Variants in LCP2 observed in about 807,000 individuals in gnomAD.
LCP2 encodes the protein lymphocyte cytosolic protein 2.
A neutral mutation model predicts 74.5 loss-of-function variants in LCP2; 29 were observed. That is an observed-to-expected ratio of 0.39 (90% CI 0.29 to 0.53). The LOEUF (loss-of-function observed/expected upper bound fraction) is 0.53. Ranked by LOEUF, LCP2 falls within the 20% of genes least tolerant of loss-of-function variation. The probability of loss-of-function intolerance (pLI) is 0.72; values close to 1 mark genes in which losing one functional copy is unlikely to be tolerated. For synonymous variants in LCP2, 228 were observed against 229.5 expected (o/e 0.99, Z 0.06); for missense variants, 604 against 634.6 (o/e 0.95, Z 0.52).
chr5:170,257,606 CAG>C (rs1012683133), intron 16 of LCP2, among the ~76,000 whole-genome samples: 8 of 152,164 alleles, frequency 5.3e-5, no homozygotes, highest in African/African-American at 7.2e-5. Context: ...ACTGAGAAAA[CAG>C]GGGGACAGAG....
Position 170,250,747 on chromosome 5 carries a change from C to T in LCP2, c.1462G>A (p.Gly488Arg), listed in dbSNP as rs758091686. 2 of 1,613,388 alleles carry T rather than the reference C, an allele frequency of 1.2e-6. No individual in the cohort carries two copies. The highest frequency in any genetic ancestry group is 1.7e-6 in the Non-Finnish European group (2 of 1,179,362). The change falls in exon 20 of 21, where the codon GGA becomes AGA. Residue 488 changes from glycine (G) to arginine (R), a missense_variant. By Grantham distance (125) the Gly-to-Arg change is moderately radical. Coordinates refer to ENST00000046794, the MANE Select transcript of LCP2 (RefSeq NM_005565.5). ...KESQVYLLGT[G>R]LRGKEDFLSV... is the part of the protein sequence containing the mutation. ...ATCCTTACCTCTTTCCCTCGGAGTC[C>T]AGTTCCCAACAAGTAAACTTGACTT...
chr5:170,262,515 GA>G, intron 13 of LCP2, 119 bp downstream of exon 13: 1 of 686,580 alleles, frequency 1.5e-6, no homozygotes, highest in Non-Finnish European at 2.5e-6. Flanking sequence ...GCCACAGCAA[GA>G]AAAGGCCCAC....
intron 10 of LCP2, among the ~76,000 whole-genome samples, chr5:170,264,793 T>A (rs1238904581): frequency 6.6e-6 from 1 of 151,162 alleles, no homozygotes; most frequent in Non-Finnish European, 1.5e-5. Flanking sequence ...AGTGAGACCC[T>A]GACTCAAAAA....
intron 10 of LCP2, among the ~76,000 whole-genome samples, chr5:170,264,437 G>C (rs1311498143): frequency 2.0e-5 from 3 of 152,234 alleles, no homozygotes; most frequent in Non-Finnish European, 4.4e-5. Context: ...TCTCCCTGGA[G>C]TTGTATTTTC....
chr5:170,275,624 C>A (rs1761993324), intron 4 of LCP2, 171 bp downstream of exon 4: 1 of 664,408 alleles, frequency 1.5e-6, no homozygotes, highest in African/African-American at 1.8e-5. Flanking sequence ...GGACAGGATG[C>A]AGAGCAGGGG....
rs1234843001 is a variant in LCP2, at chr5:170,256,093, G to T, written c.1150+433C>A. ...TTCCGTAGGGAAACCGGAGCTGGAGGAATAGTTCTGCACAGGAAGATTGGG... is the reference window on the plus strand; with the variant it reads ...TTCCGTAGGGAAACCGGAGCTGGAGTAATAGTTCTGCACAGGAAGATTGGG... On this transcript the variant is annotated intron_variant, in intron 17 of 20. Coordinates refer to ENST00000046794, the MANE Select transcript of LCP2 (RefSeq NM_005565.5). This position sits in a 1 kb window ranked among gnomAD's most constrained non-coding sequence, Gnocchi z 4.5. Among the ~76,000 whole-genome samples, 1 of 152,216 alleles carries T rather than the reference G, an allele frequency of 6.6e-6. No homozygotes were observed. The highest frequency in any genetic ancestry group is 1.5e-5 in the Non-Finnish European group (1 of 68,042).
rs1336784508 is a variant in LCP2, at chr5:170,256,118, G to A, written c.1150+408C>T. On this transcript the variant is annotated intron_variant, in intron 17 of 20. Coordinates refer to ENST00000046794, the MANE Select transcript of LCP2 (RefSeq NM_005565.5). The surrounding 1 kb of genome is among the most constrained non-coding windows in gnomAD (Gnocchi z 4.5). ...GAATAGTTCTGCACAGGAAGATTGGGGATGAGGGCTGGCTTCCTGGTGAAG... is the reference window on the plus strand; with the variant it reads ...GAATAGTTCTGCACAGGAAGATTGGAGATGAGGGCTGGCTTCCTGGTGAAG... 2.6e-5 allele frequency among the ~76,000 whole-genome samples: 4 copies of A among 152,168 alleles called. No homozygotes were observed. Among genetic ancestry groups the A allele is most frequent in the Non-Finnish European group, 4.4e-5 (3 of 68,018 alleles).
intron 3 of LCP2, among the ~76,000 whole-genome samples, chr5:170,280,945 A>T (rs1023398480): frequency 6.6e-6 from 1 of 152,204 alleles, no homozygotes; most frequent in Non-Finnish European, 1.5e-5. Context: ...CGGAGGTTGC[A>T]GTGAGCCAAG....
intron 6 of LCP2, among the ~76,000 whole-genome samples, chr5:170,271,270 A>AAGACTAAAGGCCTGGAGC (rs1446763346): frequency 6.6e-6 from 1 of 152,196 alleles, no homozygotes; most frequent in East Asian, 1.9e-4. Flanking sequence ...CACCATGAGA[A>AAGACTAAAGGCCTGGAGC]AGACTAAAGG....
intron 10 of LCP2, among the ~76,000 whole-genome samples, chr5:170,263,917 C>T (rs1761704629): frequency 6.6e-6 from 1 of 152,194 alleles, no homozygotes; most frequent in Non-Finnish European, 1.5e-5. Flanking sequence ...GAAAGTTGGT[C>T]ATACAAATTG....
intron 13 of LCP2, among the ~76,000 whole-genome samples, chr5:170,261,772 G>A (rs1053555134): frequency 3.7e-4 from 56 of 152,290 alleles, no homozygotes; most frequent in African/African-American, 7.2e-4. Context: ...TGCCTGGGCC[G>A]TATAATGTCC....
chr5:170,249,200 C>T (rs1424614617), intron 20 of LCP2, among the ~76,000 whole-genome samples: 1 of 151,934 alleles, frequency 6.6e-6, no homozygotes, highest in Non-Finnish European at 1.5e-5. Context: ...TGGTGTGCGC[C>T]TGTAATCCCA....
chr5:170,257,931 C>CTA, intron 16 of LCP2, 106 bp downstream of exon 16: 1 of 1,277,244 alleles, frequency 7.8e-7, no homozygotes, highest in East Asian at 2.3e-5. Flanking sequence ...TCAGACCCTA[C>CTA]TATCTACCCG....
intron 3 of LCP2, among the ~76,000 whole-genome samples, chr5:170,278,829 G>A (rs925589813): frequency 1.3e-5 from 2 of 152,152 alleles, no homozygotes. Flanking sequence ...AGAGCTGAGT[G>A]GGGGCAGAAC....
At position 170,271,256 on chromosome 5, in the gene LCP2, G is replaced by A. The variant is rs558807881; in HGVS notation, c.325-339C>T. On this transcript the variant is annotated intron_variant, in intron 6 of 20. Coordinates refer to ENST00000046794, the MANE Select transcript of LCP2 (RefSeq NM_005565.5). ...TGAGTAAACACATTTTTTGCTCCAG[G>A]CATCACCATGAGAAAGACTAAAGGC... is the stretch of plus-strand genomic sequence containing the variant. 7.2e-5 allele frequency among the ~76,000 whole-genome samples: 11 copies of A among 152,260 alleles called. No homozygotes were observed. The South Asian group carries it at 2.1e-3, about 29-fold the overall frequency.
At chr5:170,271,658 C>A (rs1186128920) in intron 6 of LCP2, among the ~76,000 whole-genome samples, 1 of 151,876 alleles carries the variant, frequency 6.6e-6, no homozygotes, top group Non-Finnish European at 1.5e-5. Flanking sequence ...TTGAAGCAGT[C>A]CATGAAGGTG....
At chr5:170,261,085 C>T in intron 14 of LCP2, 22 bp downstream of exon 14, 1 of 1,577,470 alleles carries the variant, frequency 6.3e-7, no homozygotes, top group Non-Finnish European at 8.7e-7. Flanking sequence ...CAAGCACTTA[C>T]AAACTGACAT....
intron 3 of LCP2, among the ~76,000 whole-genome samples, chr5:170,284,977 C>T (rs1451412104): frequency 1.3e-5 from 2 of 152,110 alleles, no homozygotes; most frequent in East Asian, 3.8e-4. Flanking sequence ...TCTCAAAATC[C>T]TGAACTCAGG....
rs1214760009 is a variant in LCP2, at chr5:170,246,614, A to C, written c.*2083T>G. On this transcript the variant is annotated 3_prime_UTR_variant, in exon 21 of 21. Transcript: ENST00000046794. ...TTCCAGATAATTGGTAAATGGGAGTAGTTGCAGGGCAGCAGGCAGCTCCAA... is the reference window on the plus strand; with the variant it reads ...TTCCAGATAATTGGTAAATGGGAGTCGTTGCAGGGCAGCAGGCAGCTCCAA... The C allele has an allele frequency of 6.5e-6, 1 of 153,414 alleles. No homozygotes were observed. Among genetic ancestry groups the C allele is most frequent in the Non-Finnish European group, 1.5e-5 (1 of 68,926 alleles). The allele number at this position is 153,414 out of a possible 1,614,324, so 9.5% of individuals were successfully genotyped here. A position where few individuals can be genotyped will look rare whatever the true frequency, so the allele number is the denominator to read the frequency against.
Sources: gnomAD v4.1 joint callset for allele counts (sites outside exome capture counted in the v4.1 genomes callset) on GRCh38, gnomAD v4.1.1 for gene constraint, Gnocchi (gnomAD v3.1) non-coding constraint, MANE v1.5 for transcripts, NCBI Gene and HGNC (gene_info 2026-07-23, HGNC 2026-07-21) for gene names.